Variants in SLMAP observed in about 807,000 individuals in gnomAD.
SLMAP encodes sarcolemma associated protein.
Under a neutral mutation model 128.8 loss-of-function variants are expected in SLMAP, and 44 were observed. That is an observed-to-expected ratio of 0.34 (90% CI 0.27 to 0.44). SLMAP has a LOEUF of 0.44. SLMAP is among the 20% of genes least tolerant of loss of function. SLMAP has a pLI of 1.00. For synonymous variants in SLMAP, 327 were observed against 348.8 expected, an observed-to-expected ratio of 0.94 and a Z score of 0.70; for missense variants, 787 against 985.3, an observed-to-expected ratio of 0.80 and a Z score of 2.69.
chr3:57,903,074 C>G (rs545815003), intron 17 of SLMAP, among the ~76,000 whole-genome samples: 2 of 152,238 alleles, frequency 1.3e-5, no homozygotes, highest in African/African-American at 4.8e-5. Context: ...TTTGGAAATT[C>G]TTTGCACAGG....
intron 20 of SLMAP, 40 bp from the exon 21 acceptor site, chr3:57,913,118 A>G: frequency 1.1e-6 from 1 of 937,218 alleles, no homozygotes; most frequent in Admixed American, 1.9e-5. Flanking sequence ...TATGGAAGTT[A>G]TATTTCTGTA....
chr3:57,815,077 T>C (rs1436029382), intron 2 of SLMAP, among the ~76,000 whole-genome samples: 2 of 152,192 alleles, frequency 1.3e-5, no homozygotes, highest in Non-Finnish European at 2.9e-5. Flanking sequence ...AGTTTTTCCA[T>C]GGATGGTAGG....
At chr3:57,816,605 T>A (rs1383298387) in intron 2 of SLMAP, among the ~76,000 whole-genome samples, 1 of 152,144 alleles carries the variant, frequency 6.6e-6, no homozygotes, top group African/African-American at 2.4e-5. Context: ...CATATGTGAC[T>A]TGTGCCTTTT....
At chr3:57,844,361 T>C (rs2094136409) in intron 4 of SLMAP, among the ~76,000 whole-genome samples, 1 of 151,828 alleles carries the variant, frequency 6.6e-6, no homozygotes, top group Non-Finnish European at 1.5e-5. Context: ...ACCACTTCAC[T>C]TCAGGCTGGG....
At chr3:57,769,358 C>T (rs545585131) in intron 2 of SLMAP, among the ~76,000 whole-genome samples, 3 of 152,128 alleles carry the variant, frequency 2.0e-5, no homozygotes, top group East Asian at 3.9e-4. Flanking sequence ...CACGCCCAGC[C>T]AGTTTCTTGT....
chr3:57,793,766 G>A (rs1015147786), intron 2 of SLMAP, among the ~76,000 whole-genome samples: 3 of 151,714 alleles, frequency 2.0e-5, no homozygotes, highest in Non-Finnish European at 2.9e-5. Flanking sequence ...GTAAACCTTC[G>A]CTTATTTTTT....
intron 19 of SLMAP, among the ~76,000 whole-genome samples, chr3:57,910,150 G>C (rs2096659581): frequency 6.6e-6 from 1 of 151,644 alleles, no homozygotes; most frequent in Non-Finnish European, 1.5e-5. Flanking sequence ...TAGATATATT[G>C]CCATCTAATG....
At chr3:57,776,254 A>C (rs766275679) in intron 2 of SLMAP, among the ~76,000 whole-genome samples, 3 of 152,130 alleles carry the variant, frequency 2.0e-5, no homozygotes, top group Non-Finnish European at 2.9e-5. Context: ...AATTTATATA[A>C]TGTTTATACA....
chr3:57,910,283 G>A (rs886512301), intron 19 of SLMAP, among the ~76,000 whole-genome samples: 4 of 151,978 alleles, frequency 2.6e-5, no homozygotes, highest in Admixed American at 2.0e-4. Context: ...TCCGTCTCCC[G>A]AGTTCAAGTG....
At chr3:57,763,595 C>G (rs891997928) in intron 2 of SLMAP, among the ~76,000 whole-genome samples, 5 of 151,900 alleles carry the variant, frequency 3.3e-5, no homozygotes, top group African/African-American at 9.7e-5. Flanking sequence ...TTTTGAGCAC[C>G]TGTTCTATCA....
intron 2 of SLMAP, among the ~76,000 whole-genome samples, chr3:57,821,289 G>GA (rs2092486069): frequency 6.6e-6 from 1 of 152,060 alleles, no homozygotes; most frequent in Non-Finnish European, 1.5e-5. Flanking sequence ...TTATTGTACA[G>GA]TGAACACATC....
intron 2 of SLMAP, among the ~76,000 whole-genome samples, chr3:57,813,633 A>C (rs11926924): frequency 0.55 from 83,536 of 151,952 alleles, 24,833 homozygotes; most frequent in East Asian, 0.98. Context: ...CAACTATTTA[A>C]GTAGTATTTG....
chr3:57,925,629 C>G (rs2096993812), intron 23 of SLMAP, among the ~76,000 whole-genome samples: 1 of 152,156 alleles, frequency 6.6e-6, no homozygotes, highest in Admixed American at 6.5e-5. Flanking sequence ...CGGTTCCTAG[C>G]TATTCCTTTT....
intron 2 of SLMAP, among the ~76,000 whole-genome samples, chr3:57,772,716 C>T (rs929514072): frequency 6.6e-4 from 100 of 151,998 alleles, no homozygotes; most frequent in African/African-American, 2.3e-3. Flanking sequence ...TCTCGGCTCA[C>T]CGCAACCTTT....
chr3:57,906,300 C>CTTTTT (rs112949836), intron 17 of SLMAP, among the ~76,000 whole-genome samples: 38 of 71,254 alleles, frequency 5.3e-4, no homozygotes, highest in Non-Finnish European at 9.2e-4. Context: ...AAATTTTTTT[C>CTTTTT]TTTTTTTTTC....
intron 24 of SLMAP, chr3:57,926,166 A>G: frequency 7.9e-6 from 4 of 508,150 alleles, no homozygotes; most frequent in Non-Finnish European, 1.4e-5. Context: ...ATTCCAACCT[A>G]ACCAGTTGTT....
intron 3 of SLMAP, among the ~76,000 whole-genome samples, chr3:57,833,653 C>G (rs1443299549): frequency 6.6e-6 from 1 of 152,046 alleles, no homozygotes; most frequent in African/African-American, 2.4e-5. Flanking sequence ...CTCTTGACCT[C>G]GTGATCTGCC....
intron 6 of SLMAP, among the ~76,000 whole-genome samples, chr3:57,851,350 TTG>T (rs1251077858): frequency 3.3e-5 from 4 of 120,184 alleles, no homozygotes; most frequent in South Asian, 3.0e-4. Context: ...GTGTTTTGGG[TTG>T]TTTTTTTTTT....
intron 2 of SLMAP, among the ~76,000 whole-genome samples, chr3:57,821,794 T>A (rs959074332): frequency 6.6e-6 from 1 of 152,148 alleles, no homozygotes; most frequent in Non-Finnish European, 1.5e-5. Context: ...AACTTCTTAG[T>A]CCAGTGCCAA....
Sources: gnomAD v4.1 joint callset for allele counts (sites outside exome capture counted in the v4.1 genomes callset) on GRCh38, gnomAD v4.1.1 for gene constraint, MANE v1.5 for transcripts, NCBI Gene and HGNC (gene_info 2026-07-23, HGNC 2026-07-21) for gene names.